Variants in RESF1 observed in about 807,000 individuals in gnomAD.
RESF1 encodes the protein gonad expressed transcript.
A neutral mutation model predicts 134.7 loss-of-function variants in RESF1; 65 were observed. That is an observed-to-expected ratio of 0.48 (90% CI 0.40 to 0.59). RESF1 has a LOEUF of 0.59. Among genes scored for constraint, RESF1 ranks in the 20% least tolerant of loss-of-function variants. RESF1 has a pLI of 0.00. For missense variants in RESF1, 2,274 were observed against 2,002.7 expected, an observed-to-expected ratio of 1.14 and a Z score of -2.59; for synonymous variants, 762 against 702.2, an observed-to-expected ratio of 1.09 and a Z score of -1.35.
In RESF1 at chr12:31,984,206, C is replaced by T. The variant is rs750002324; in HGVS notation, c.3251C>T (p.Thr1084Ile). Residue 1084 changes from threonine to isoleucine, a missense_variant, in exon 4 of 6, where the codon ACC (threonine) becomes ATC (isoleucine). Transcript: ENST00000312561. ...GSVGQQTTYQ[T>I]SEDQTADKTS... ...GTGGGCCAGCAAACTACATACCAGA[C>T]CTCAGAAGATCAAACTGCTGATAAA... is the stretch of plus-strand genomic sequence containing the variant. The T allele has an allele frequency of 3.7e-6, 6 of 1,613,808 alleles. No individual in the cohort carries two copies. The East Asian group carries it at 8.9e-5, about 24-fold the overall frequency.
intron 2 of RESF1, among the ~76,000 whole-genome samples, chr12:31,966,897 A>G (rs1939409570): frequency 6.6e-6 from 1 of 152,188 alleles, no homozygotes; most frequent in African/African-American, 2.4e-5. Context: ...GAACAGCTTC[A>G]CCGTGGTGCC....
rs1939959549 is a variant in RESF1 at position 31,985,829 on chromosome 12, G to T, written c.4874G>T (p.Gly1625Val). ...CATAAGACCTTTTTACCGGTGAAAG[G>T]TAACACAGAAAAATCAAACATGCTG... The part of the protein sequence containing the change: ...NKHKTFLPVK[G>V]NTEKSNMLEF... Residue 1625 changes from glycine (G) to valine (V), a missense_variant, in exon 4 of 6, where the codon GGT (glycine) becomes GTT (valine). Physicochemically the swap from Gly to Val is moderately radical, Grantham distance 109. Transcript: ENST00000312561. 6.4e-7 allele frequency: 1 copy of T among 1,565,496 alleles called. No individual in the cohort carries two copies. The highest frequency in any genetic ancestry group is 1.4e-5 in the African/African-American group (1 of 72,144).
chr12:31,971,503 G>A (rs73294846), intron 3 of RESF1, among the ~76,000 whole-genome samples: 2,491 of 152,248 alleles, frequency 0.016, 66 homozygotes, highest in African/African-American at 0.057. Context: ...CTTTCAGTCT[G>A]TGTTTTTGGA....
At chr12:31,964,165 G>A (rs1227117609) in intron 2 of RESF1, among the ~76,000 whole-genome samples, 3 of 151,962 alleles carry the variant, frequency 2.0e-5, no homozygotes, top group African/African-American at 7.2e-5. Context: ...TTGGGGGTAC[G>A]TGTGTAGGTT....
chr12:31,974,104 G>A (rs1040197743), intron 3 of RESF1, among the ~76,000 whole-genome samples: 2 of 151,798 alleles, frequency 1.3e-5, no homozygotes, highest in African/African-American at 4.8e-5. Context: ...TAGATGAAGA[G>A]CCAGGTGGAA....
At chr12:31,989,383 G>C (rs1464672714) in intron 5 of RESF1, among the ~76,000 whole-genome samples, 1 of 109,182 alleles carries the variant, frequency 9.2e-6, no homozygotes, top group African/African-American at 3.7e-5. Flanking sequence ...GTGACAGAGA[G>C]AGAGTCTTGT....
At position 31,991,501 on chromosome 12, in the gene RESF1, T is replaced by C. The variant is rs112287853; in HGVS notation, c.5087-877T>C. Reference sequence around the variant, plus strand: ...AAATAGCTGCAGCAGGAATGAAATGTACAGATAGTCCCTGACTTGGCAGTG... The same window carrying C: ...AAATAGCTGCAGCAGGAATGAAATGCACAGATAGTCCCTGACTTGGCAGTG... On this transcript the variant is annotated intron_variant, in intron 5 of 5. Coordinates refer to ENST00000312561, the MANE Select transcript of RESF1 (RefSeq NM_018169.4). Among the ~76,000 whole-genome samples the C allele has an allele frequency of 2.7e-3, 411 of 152,374 alleles. 2 individuals carry two copies. Among genetic ancestry groups the C allele is most frequent in the Non-Finnish European group, 3.3e-3 (224 of 68,032 alleles).
At position 31,984,447 on chromosome 12, in the gene RESF1, C is replaced by G. The variant is rs376798056; in HGVS notation, c.3492C>G (p.Asp1164Glu). 2.0e-4 allele frequency: 327 copies of G among 1,614,038 alleles called. No individual in the cohort carries two copies. The highest frequency in any genetic ancestry group is 2.7e-4 in the Non-Finnish European group (317 of 1,180,012). The change falls in exon 4 of 6, where the codon GAC (aspartate) becomes GAG (glutamate). Residue 1164 changes from aspartate (D) to glutamate (E), a missense_variant. Physicochemically the swap from Asp to Glu is conservative, Grantham distance 45 (BLOSUM62 2). Transcript: ENST00000312561. ...AGQSRDSVILDSEKDDIHCCA... is the reference protein window; with the variant it reads ...AGQSRDSVILESEKDDIHCCA... ...AAAGTCGTGATTCTGTGATACTGGA[C>G]TCTGAGAAAGATGATATCCACTGCT...
At position 31,981,271 on chromosome 12, in the gene RESF1, C is replaced by A; in HGVS notation, c.316C>A (p.His106Asn). ...ANVNGPKQLTHNLQMSSGVTQ... is the reference protein window; with the variant it reads ...ANVNGPKQLTNNLQMSSGVTQ... ...TGTTAATGGACCCAAACAACTAACTCACAATTTGCAGATGTCTTCAGGAGT... is the reference window on the plus strand; with the variant it reads ...TGTTAATGGACCCAAACAACTAACTAACAATTTGCAGATGTCTTCAGGAGT... Residue 106 changes from histidine (H) to asparagine (N), a missense_variant, in exon 4 of 6, where the codon CAC becomes AAC. By Grantham distance (68) the His-to-Asn change is moderately conservative (BLOSUM62 1). Coordinates refer to ENST00000312561, the MANE Select transcript of RESF1 (RefSeq NM_018169.4). The A allele has an allele frequency of 1.9e-6, 3 of 1,614,098 alleles. No individual in the cohort carries two copies. Among genetic ancestry groups the A allele is most frequent in the South Asian group, 1.1e-5 (1 of 91,072 alleles).
In RESF1 at chr12:31,978,751, C is replaced by T. The variant is rs1229544058; in HGVS notation, c.-78-2127C>T. ...TTTTTTTTGTATATTTAGTAGAGGC[C>T]GGGGTTTCACCGTGTTGGCCAGGAT... On this transcript the variant is annotated intron_variant, in intron 3 of 5. Transcript: ENST00000312561. 9.0e-5 allele frequency among the ~76,000 whole-genome samples: 13 copies of T among 144,224 alleles called. 2 individuals are homozygous for T. In the Middle Eastern group the frequency reaches 0.032, roughly 352 times the overall value. The allele number at this position is 144,224 out of a possible 152,430, so 94.6% of individuals were successfully genotyped here. A position where few individuals can be genotyped will look rare whatever the true frequency, so the allele number is the denominator to read the frequency against.
intron 3 of RESF1, among the ~76,000 whole-genome samples, chr12:31,970,786 C>G (rs1441675924): frequency 2.6e-5 from 4 of 152,214 alleles, no homozygotes; most frequent in Non-Finnish European, 5.9e-5. Context: ...CTATATGTTG[C>G]AATCAGTAGC....
At position 31,976,189 on chromosome 12, in the gene RESF1, C is replaced by T. The variant is rs1416044842; in HGVS notation, c.-78-4689C>T. On this transcript the variant is annotated intron_variant, in intron 3 of 5. Transcript: ENST00000312561. ...TATTCATAATGGATTTAGCACTTAC[C>T]AAAAATTTTGCCATTTAAATATAGT... 3.9e-5 allele frequency among the ~76,000 whole-genome samples: 6 copies of T among 151,976 alleles called. No homozygotes were observed. The East Asian group carries it at 9.6e-4, about 24-fold the overall frequency.
In RESF1 at chr12:31,982,934, T is replaced by C. The variant is rs139410144; in HGVS notation, c.1979T>C (p.Met660Thr). The C allele has an allele frequency of 4.3e-6, 7 of 1,613,996 alleles. No individual in the cohort carries two copies. In the African/African-American group the frequency reaches 9.3e-5, roughly 22 times the overall value. ...GGACAAGAATCCTCAACAAAAGGAATGCCTGCTAAAAGTGACAGTAGCTGT... is the reference window on the plus strand; with the variant it reads ...GGACAAGAATCCTCAACAAAAGGAACGCCTGCTAAAAGTGACAGTAGCTGT... ...CSGQESSTKG[M>T]PAKSDSSCSM... Residue 660 changes from methionine to threonine, a missense_variant, in exon 4 of 6, where the codon ATG (methionine) becomes ACG (threonine). Physicochemically the swap from Met to Thr is moderately conservative, Grantham distance 81. Coordinates refer to ENST00000312561, the MANE Select transcript of RESF1 (RefSeq NM_018169.4).
In RESF1 at chr12:31,981,801, C is replaced by A; in HGVS notation, c.846C>A (p.Tyr282Ter). ...ACAAAAGACCTCCTCCTCCTCCTTA[C>A]AACTGTAGATATGGAAGCCAGCCTT... ...QTDKRPPPPP[Y>*]NCRYGSQPLQ... Residue 282 changes from tyrosine (Y) to a stop codon, truncating the protein, a stop_gained, in exon 4 of 6, where the codon TAC (tyrosine) becomes TAA (stop). Coordinates refer to ENST00000312561, the MANE Select transcript of RESF1 (RefSeq NM_018169.4). LOFTEE classifies it high-confidence loss of function. 6.2e-7 allele frequency: 1 copy of A among 1,614,006 alleles called. No homozygotes were observed. The highest frequency in any genetic ancestry group is 8.5e-7 in the Non-Finnish European group (1 of 1,180,038).
rs1272163464 is a variant in RESF1, at chr12:31,981,429, A to C, written c.474A>C (p.Thr158=). Residue 158 remains threonine, a synonymous_variant, in exon 4 of 6, where the codon ACA becomes ACC. Transcript: ENST00000312561. ...NMPALQSQLI[T]SDTYSMQMQM... is the part of the protein sequence containing the mutation. ...CGGCACTACAGAGTCAACTGATAACATCAGATACCTATTCTATGCAAATGC... is the reference window on the plus strand; with the variant it reads ...CGGCACTACAGAGTCAACTGATAACCTCAGATACCTATTCTATGCAAATGC... 1.9e-6 allele frequency: 3 copies of C among 1,614,010 alleles called. No individual in the cohort carries two copies. Among genetic ancestry groups the C allele is most frequent in the Admixed American group, 3.3e-5 (2 of 60,002 alleles).
intron 5 of RESF1, among the ~76,000 whole-genome samples, chr12:31,987,916 G>C (rs1405701501): frequency 6.6e-6 from 1 of 151,952 alleles, no homozygotes; most frequent in Non-Finnish European, 1.5e-5. Flanking sequence ...TGTATTTTTA[G>C]TAGAGGCAGG....
chr12:31,985,404 A>G lies in RESF1; in HGVS notation c.4449A>G (p.Lys1483=). The part of the protein sequence containing the change: ...PCDSEHMRPS[K]LAVQVESCGK... ...ATTCTGAACATATGAGACCAAGTAA[A>G]CTTGCCGTGCAGGTTGAAAGTTGTG... The change falls in exon 4 of 6, where the codon AAA becomes AAG. Residue 1483 remains lysine, a synonymous_variant. Transcript: ENST00000312561. 1 of 1,605,590 alleles carries G rather than the reference A, an allele frequency of 6.2e-7. No homozygotes were observed. Among genetic ancestry groups the G allele is most frequent in the Non-Finnish European group, 8.5e-7 (1 of 1,177,782 alleles).
In RESF1 at chr12:31,984,013, A is replaced by G. The variant is rs1344511217; in HGVS notation, c.3058A>G (p.Ile1020Val). Reference protein sequence around the residue: ...TCSSAAIQEDIYPQEIDASSN... With the variant: ...TCSSAAIQEDVYPQEIDASSN... ...CTCGTCAGCTGCTATTCAGGAGGAT[A>G]TTTACCCTCAGGAAATAGATGCATC... Residue 1020 changes from isoleucine to valine, a missense_variant, in exon 4 of 6, where the codon ATT (isoleucine) becomes GTT (valine). Transcript: ENST00000312561. The G allele has an allele frequency of 1.2e-6, 2 of 1,613,924 alleles. No individual in the cohort carries two copies. Among genetic ancestry groups the G allele is most frequent in the Non-Finnish European group, 8.5e-7 (1 of 1,179,974 alleles).
At chr12:31,961,414 G>A (rs1274153724) in intron 2 of RESF1, among the ~76,000 whole-genome samples, 7 of 152,202 alleles carry the variant, frequency 4.6e-5, no homozygotes, top group South Asian at 2.1e-4. Context: ...ACCTCTGCCT[G>A]TTCTCTCATC....
Sources: allele counts gnomAD v4.1 joint callset (sites outside exome capture counted in the v4.1 genomes callset), GRCh38; gene constraint gnomAD v4.1.1; transcripts MANE v1.5; gene names NCBI Gene and HGNC (gene_info 2026-07-23, HGNC 2026-07-21).